KDM2A: variants seen among roughly 807,000 people sequenced by gnomAD.
The protein encoded by KDM2A is lysine demethylase 2A, also known as lysine-specific demethylase 2A.
A neutral mutation model predicts 137.3 loss-of-function variants in KDM2A; 3 were observed. That is an observed-to-expected ratio of 0.02 (90% CI 0.01 to 0.06). KDM2A has a LOEUF of 0.06. Among genes scored for constraint, KDM2A ranks in the 10% least tolerant of loss-of-function variants. The pLI, the probability that KDM2A is intolerant of heterozygous loss-of-function variation, is 1.00. For synonymous variants in KDM2A, 512 were observed against 541.5 expected (o/e 0.95, Z 0.76); for missense variants, 738 against 1,510.6 (o/e 0.49, Z 8.48).
intron 17 of KDM2A, among the ~76,000 whole-genome samples, chr11:67,251,087 A>C (rs1671557588): frequency 6.6e-6 from 1 of 152,134 alleles, no homozygotes; most frequent in African/African-American, 2.4e-5. Flanking sequence ...GTCTGTGATA[A>C]AACTTGAGAG....
intron 1 of KDM2A, 63 bp from the exon 2 acceptor site, chr11:67,121,171 C>A (rs1371975343): frequency 4.5e-6 from 3 of 662,278 alleles, no homozygotes; most frequent in Non-Finnish European, 8.0e-6. Context: ...TACTCCTTTC[C>A]GTGAACAGAA....
intron 5 of KDM2A, among the ~76,000 whole-genome samples, chr11:67,197,896 A>G (rs1590773384): frequency 1.3e-5 from 2 of 152,348 alleles, no homozygotes; most frequent in East Asian, 3.9e-4. Flanking sequence ...AACTACCAAT[A>G]ACCTACTGTT....
At chr11:67,240,315 G>T in intron 12 of KDM2A, 16 of 1,535,578 alleles carry the variant, frequency 1.0e-5, no homozygotes, top group Non-Finnish European at 1.3e-5. Flanking sequence ...AAACAAAGAC[G>T]CTGGGGAAAC....
In KDM2A at chr11:67,231,770, G is replaced by T. The variant is rs1858728244; in HGVS notation, c.1289G>T (p.Ser430Ile). The change falls in exon 12 of 21, where the codon AGC becomes ATC. Residue 430 changes from serine (S) to isoleucine (I), a missense_variant. Physicochemically the swap from Ser to Ile is moderately radical, Grantham distance 142 (BLOSUM62 -2). Around this residue, in one of 9 missense-constraint regions of KDM2A, gnomAD observed 113 missense variants for 133.5 expected, o/e 0.85. Coordinates refer to ENST00000529006, the MANE Select transcript of KDM2A (RefSeq NM_012308.3). ...TLAGDSSSDCSRGSHNGQVWD... is the reference protein window; with the variant it reads ...TLAGDSSSDCIRGSHNGQVWD... The stretch of plus-strand genomic sequence containing the variant: ...GCTGGGGACTCATCTTCTGACTGTA[G>T]CCGGGGCTCCCACAATGGACAAGTG... 1 of 1,614,032 alleles carries T rather than the reference G, an allele frequency of 6.2e-7. No homozygotes were observed. The highest frequency in any genetic ancestry group is 8.5e-7 in the Non-Finnish European group (1 of 1,179,900).
At chr11:67,237,085 C>T (rs926333554) in intron 12 of KDM2A, among the ~76,000 whole-genome samples, 8 of 152,154 alleles carry the variant, frequency 5.3e-5, no homozygotes, top group African/African-American at 1.9e-4. Flanking sequence ...ATAAACTTTC[C>T]TGTTATAGGA....
At chr11:67,216,238 T>A (rs943743282) in intron 8 of KDM2A, among the ~76,000 whole-genome samples, 3 of 152,142 alleles carry the variant, frequency 2.0e-5, no homozygotes, top group Non-Finnish European at 4.4e-5. Context: ...AAGAAGTGAT[T>A]TTAGAAGGAC....
chr11:67,217,713 A>T lies in KDM2A; in HGVS notation c.688-18A>T, dbSNP rs936153497. 5.0e-6 allele frequency: 8 copies of T among 1,612,642 alleles called. No homozygotes were observed. In the African/African-American group the frequency reaches 9.3e-5, roughly 19 times the overall value. ...CATGTCAATGGCTGTTAACAGACTA[A>T]AGTTTTTTAACTCACAGGTCTTCTG... On this transcript the variant is annotated intron_variant, in intron 8 of 20. Transcript: ENST00000529006.
chr11:67,119,368 C>T lies in KDM2A; in HGVS notation c.-765C>T, dbSNP rs1855544227. The T allele has an allele frequency of 1.2e-5, 2 of 164,388 alleles. No individual in the cohort carries two copies. Among genetic ancestry groups the T allele is most frequent in the African/African-American group, 2.4e-5 (1 of 41,512 alleles). 10.2% of individuals were successfully genotyped at this position (164,388 alleles called of 1,614,324 possible). A position where few individuals can be genotyped will look rare whatever the true frequency, so the allele number is the denominator to read the frequency against. Reference sequence around the variant, plus strand: ...GGCAGCGGCGGCGGCGGCGGCGGCTCTCGGAGCACCTTCCCAGCGGCTGGG... The same window carrying T: ...GGCAGCGGCGGCGGCGGCGGCGGCTTTCGGAGCACCTTCCCAGCGGCTGGG... On this transcript the variant is annotated 5_prime_UTR_variant, in exon 1 of 21. Transcript: ENST00000529006.
intron 2 of KDM2A, among the ~76,000 whole-genome samples, chr11:67,152,633 G>C (rs1205788149): frequency 2.0e-5 from 3 of 151,524 alleles, no homozygotes; most frequent in African/African-American, 7.3e-5. Flanking sequence ...CTTAAAAATT[G>C]GCTACCGGAA....
intron 2 of KDM2A, among the ~76,000 whole-genome samples, chr11:67,156,506 A>G (rs186242362): frequency 1.6e-3 from 247 of 152,036 alleles, no homozygotes; most frequent in African/African-American, 5.8e-3. Flanking sequence ...TCACGAGGTC[A>G]GGAGATCGAG....
At chr11:67,214,393 A>T (rs1012345346) in intron 6 of KDM2A, among the ~76,000 whole-genome samples, 57 of 151,968 alleles carry the variant, frequency 3.8e-4, no homozygotes, top group African/African-American at 1.4e-3. Flanking sequence ...TTTAGTAGAG[A>T]TGGGGTTTCA....
At chr11:67,207,406 TAAGAA>T in intron 5 of KDM2A, 99 bp from the exon 6 acceptor site, 2 of 844,018 alleles carry the variant, frequency 2.4e-6, no homozygotes, top group Non-Finnish European at 1.7e-6. Flanking sequence ...TTATTGAAAA[TAAGAA>T]AGGACAGTAT....
intron 2 of KDM2A, among the ~76,000 whole-genome samples, chr11:67,123,866 T>G (rs1183367499): frequency 6.6e-6 from 1 of 151,730 alleles, no homozygotes; most frequent in African/African-American, 2.4e-5. Context: ...TAGTAAAGAC[T>G]GAGTTTCACC....
chr11:67,153,048 G>A (rs1262893739), intron 2 of KDM2A, among the ~76,000 whole-genome samples: 6 of 151,392 alleles, frequency 4.0e-5, no homozygotes, highest in South Asian at 2.1e-4. Flanking sequence ...GAAATGGCAC[G>A]ATCTCAGCTC....
chr11:67,247,191 G>C (rs1424707704), intron 15 of KDM2A, among the ~76,000 whole-genome samples: 1 of 140,314 alleles, frequency 7.1e-6, no homozygotes, highest in Non-Finnish European at 1.5e-5. Context: ...TGGTGTTCAA[G>C]TGATTCTCCT....
chr11:67,165,182 C>T (rs369989215), intron 2 of KDM2A, among the ~76,000 whole-genome samples: 7 of 151,528 alleles, frequency 4.6e-5, no homozygotes, highest in Admixed American at 1.3e-4. Context: ...AGTGCAGTGG[C>T]GCGATCTTGG....
chr11:67,166,188 T>C (rs938988188), intron 2 of KDM2A, among the ~76,000 whole-genome samples: 49 of 148,876 alleles, frequency 3.3e-4, no homozygotes, highest in African/African-American at 1.2e-3. Context: ...TATTTCTCTT[T>C]TTTTTTTTTT....
At position 67,200,631 on chromosome 11, in the gene KDM2A, G is replaced by A. The variant is rs1343721940; in HGVS notation, c.308-6879G>A. Among the ~76,000 whole-genome samples, 3 of 152,184 alleles carry A rather than the reference G, an allele frequency of 2.0e-5. No homozygotes were observed. The East Asian group carries it at 5.8e-4, about 29-fold the overall frequency. On this transcript the variant is annotated intron_variant, in intron 5 of 20. Transcript: ENST00000529006. Reference sequence around the variant, plus strand: ...GGGCTCAGGTGATCCTTCCACCTCAGCCTTTAGCTGGGACTACAAGCACAT... The same window carrying A: ...GGGCTCAGGTGATCCTTCCACCTCAACCTTTAGCTGGGACTACAAGCACAT...
intron 12 of KDM2A, among the ~76,000 whole-genome samples, chr11:67,235,188 C>T (rs1028643439): frequency 3.3e-5 from 5 of 151,308 alleles, no homozygotes; most frequent in Admixed American, 6.6e-5. Flanking sequence ...ATTGCCTTAC[C>T]GGTAAACTGG....
Sources: gnomAD v4.1 joint callset for allele counts (sites outside exome capture counted in the v4.1 genomes callset) on GRCh38, gnomAD v4.1.1 for gene constraint, gnomAD v4.1.1 regional missense constraint, MANE v1.5 for transcripts, NCBI Gene and HGNC (gene_info 2026-07-23, HGNC 2026-07-21) for gene names.